The following CFTR variants were observed in gnomAD, a reference collection of about 807,000 sequenced individuals.
The protein encoded by CFTR is CF transmembrane conductance regulator.
In CFTR, 181 loss-of-function variants were observed where a neutral mutation model predicts 171.6. The ratio of observed to expected loss-of-function variants is 1.05; its 90% CI spans 0.93 to 1.19. CFTR has a LOEUF of 1.19. Among genes scored for constraint, CFTR ranks in the 50% most tolerant of loss-of-function variants. The probability of loss-of-function intolerance (pLI) is 0.00; values close to 1 mark genes in which losing one functional copy is unlikely to be tolerated. For missense variants in CFTR, 1,968 were observed against 1,734.7 expected (o/e 1.13, Z -2.39); for synonymous variants, 583 against 608.0 (o/e 0.96, Z 0.60).
At chr7:117,556,464 T>C (rs1214042389) in intron 10 of CFTR, among the ~76,000 whole-genome samples, 1 of 152,018 alleles carries the variant, frequency 6.6e-6, no homozygotes, top group Non-Finnish European at 1.5e-5. Flanking sequence ...GAATTTTTTT[T>C]CCAAGCGGTC....
At chr7:117,539,521 T>A (rs1243107025) in intron 7 of CFTR, among the ~76,000 whole-genome samples, 1 of 151,922 alleles carries the variant, frequency 6.6e-6, no homozygotes, top group East Asian at 1.9e-4. Context: ...TTAAAAAGCA[T>A]CTCAGGTGAT....
intron 21 of CFTR, 52 bp downstream of exon 21, chr7:117,614,765 A>G (rs754796462): frequency 2.7e-6 from 3 of 1,131,090 alleles, no homozygotes; most frequent in South Asian, 2.5e-5. Flanking sequence ...GACAAGTAAC[A>G]AAGTATGAGT....
chr7:117,483,670 C>G (rs1798030608), intron 1 of CFTR, among the ~76,000 whole-genome samples: 1 of 152,102 alleles, frequency 6.6e-6, no homozygotes, highest in Non-Finnish European at 1.5e-5. Context: ...AGTGAGCCTT[C>G]CATCTTGCCT....
intron 11 of CFTR, among the ~76,000 whole-genome samples, chr7:117,564,315 C>T (rs543280932): frequency 2.6e-5 from 4 of 152,200 alleles, no homozygotes; most frequent in Non-Finnish European, 4.4e-5. Flanking sequence ...GTTATCTTGA[C>T]AGTCAAAATC....
chr7:117,661,922 T>G (rs1003208948), intron 24 of CFTR, among the ~76,000 whole-genome samples: 1 of 151,082 alleles, frequency 6.6e-6, no homozygotes, highest in Non-Finnish European at 1.5e-5. Context: ...TCAAAGCTGA[T>G]TGTGTTTGAC....
rs1225182993 is a variant in CFTR, at chr7:117,559,568, T to C, written c.1497T>C (p.Pro499=). Residue 499 remains proline, a synonymous_variant, in exon 11 of 27, where the codon CCT becomes CCC. Transcript: ENST00000003084. ...GTTCTCAGTTTTCCTGGATTATGCC[T>C]GGCACCATTAAAGAAAATATCATCT... The part of the protein sequence containing the change: ...SFCSQFSWIM[P]GTIKENIIFG... The C allele has an allele frequency of 6.2e-7, 1 of 1,612,528 alleles. No homozygotes were observed. The highest frequency in any genetic ancestry group is 8.5e-7 in the Non-Finnish European group (1 of 1,178,720).
Position 117,548,763 on chromosome 7 carries a change from T to C in CFTR, c.1332T>C (p.Ile444=). 6.2e-7 allele frequency: 1 copy of C among 1,612,962 alleles called. No individual in the cohort carries two copies. Among genetic ancestry groups the C allele is most frequent in the East Asian group, 2.2e-5 (1 of 44,846 alleles). Residue 444 remains isoleucine, a synonymous_variant, in exon 10 of 27, where the codon ATT becomes ATC. Transcript: ENST00000003084. ...TTGGTACTCCTGTCCTGAAAGATAT[T>C]AATTTCAAGATAGAAAGAGGACAGT... ...SLLGTPVLKD[I]NFKIERGQLL...
intron 15 of CFTR, among the ~76,000 whole-genome samples, chr7:117,599,284 TG>T (rs1189220925): frequency 6.6e-6 from 1 of 152,166 alleles, no homozygotes; most frequent in Non-Finnish European, 1.5e-5. Flanking sequence ...TCAACTTATC[TG>T]AATGTGGTAG....
intron 2 of CFTR, among the ~76,000 whole-genome samples, chr7:117,507,780 G>A (rs1203684285): frequency 6.6e-6 from 1 of 152,090 alleles, no homozygotes; most frequent in Non-Finnish European, 1.5e-5. Context: ...ACTCCTTTAT[G>A]TTTTTTGTTT....
At chr7:117,600,811 A>G (rs532010553) in intron 15 of CFTR, among the ~76,000 whole-genome samples, 3 of 152,202 alleles carry the variant, frequency 2.0e-5, no homozygotes, top group Non-Finnish European at 4.4e-5. Context: ...CATAAACTGC[A>G]TAAACTTTAT....
At chr7:117,522,962 T>C (rs1014665663) in intron 3 of CFTR, among the ~76,000 whole-genome samples, 12 of 152,218 alleles carry the variant, frequency 7.9e-5, no homozygotes, top group African/African-American at 2.9e-4. Context: ...TGTCCTTGAA[T>C]GGTAACAGCT....
At chr7:117,589,255 A>G (rs948995452) in intron 12 of CFTR, among the ~76,000 whole-genome samples, 2 of 152,016 alleles carry the variant, frequency 1.3e-5, no homozygotes. Flanking sequence ...GTACATTTTG[A>G]TGGGATCCAT....
At chr7:117,502,108 C>G (rs1413191249) in intron 1 of CFTR, among the ~76,000 whole-genome samples, 1 of 152,232 alleles carries the variant, frequency 6.6e-6, no homozygotes, top group Non-Finnish European at 1.5e-5. Context: ...TATTTGCCTG[C>G]ATGCAACACC....
chr7:117,536,500 T>C (rs1309038375), intron 6 of CFTR, 48 bp from the exon 7 acceptor site: 1 of 1,535,868 alleles, frequency 6.5e-7, no homozygotes, highest in Non-Finnish European at 8.8e-7. Context: ...ATAATTTGAC[T>C]TGTTTTTACT....
At chr7:117,648,970 A>G (rs1793038296) in intron 23 of CFTR, among the ~76,000 whole-genome samples, 1 of 152,168 alleles carries the variant, frequency 6.6e-6, no homozygotes, top group African/African-American at 2.4e-5. Context: ...AAAGACCTAC[A>G]GAATTTCTGA....
chr7:117,512,895 G>C (rs1337798172), intron 3 of CFTR, among the ~76,000 whole-genome samples: 1 of 152,096 alleles, frequency 6.6e-6, no homozygotes, highest in Non-Finnish European at 1.5e-5. Flanking sequence ...GTGCAGCCTA[G>C]GTCAGACTAC....
At chr7:117,523,819 T>A (rs1403196756) in intron 3 of CFTR, among the ~76,000 whole-genome samples, 2 of 152,230 alleles carry the variant, frequency 1.3e-5, no homozygotes, top group Non-Finnish European at 2.9e-5. Context: ...CTGGAAAATA[T>A]AATGGAGAAA....
At chr7:117,552,905 AG>A (rs1349167700) in intron 10 of CFTR, among the ~76,000 whole-genome samples, 2 of 152,168 alleles carry the variant, frequency 1.3e-5, no homozygotes, top group African/African-American at 2.4e-5. Flanking sequence ...CTAATTCCCA[AG>A]GTGATGGTAT....
At position 117,614,556 on chromosome 7, in the gene CFTR, C is replaced by T. The variant is rs147410641; in HGVS notation, c.3368-57C>T. ...GCCCTAGGAGAAGTGTGAATAAAGT[C>T]GTTCACAGAAGAGAGAAATAACATG... On this transcript the variant is annotated intron_variant, in intron 20 of 26. Transcript: ENST00000003084. The T allele has an allele frequency of 3.7e-4, 395 of 1,059,484 alleles. 1 individual carries two copies. Among genetic ancestry groups the T allele is most frequent in the East Asian group, 5.7e-4 (24 of 42,126 alleles). The allele number at this position is 1,059,484 out of a possible 1,614,324, so 65.6% of individuals were successfully genotyped here. A position where few individuals can be genotyped will look rare whatever the true frequency, so the allele number is the denominator to read the frequency against.
Sources: gnomAD v4.1 joint callset for allele counts (sites outside exome capture counted in the v4.1 genomes callset) on GRCh38, gnomAD v4.1.1 for gene constraint, MANE v1.5 for transcripts, NCBI Gene and HGNC (gene_info 2026-07-23, HGNC 2026-07-21) for gene names.